ARHGEF38: variants seen among roughly 807,000 people sequenced by gnomAD.
The protein encoded by ARHGEF38 is Rho guanine nucleotide exchange factor (GEF) 38.
In ARHGEF38, 79 loss-of-function variants were observed where a neutral mutation model predicts 79.9. The ratio of observed to expected loss-of-function variants is 0.99; its 90% CI spans 0.82 to 1.19. ARHGEF38 has a LOEUF of 1.19. Ranked by LOEUF, ARHGEF38 falls within the 50% of genes most tolerant of loss-of-function variation. The probability of loss-of-function intolerance (pLI) is 0.00; values close to 1 mark genes in which losing one functional copy is unlikely to be tolerated. For missense variants in ARHGEF38, 962 were observed against 907.2 expected (o/e 1.06, Z -0.78); for synonymous variants, 366 against 328.3 (o/e 1.11, Z -1.24).
intron 1 of ARHGEF38, among the ~76,000 whole-genome samples, chr4:105,569,182 C>A (rs187393608): frequency 1.3e-5 from 2 of 152,306 alleles, no homozygotes; most frequent in Non-Finnish European, 2.9e-5. Context: ...GAAGCACATT[C>A]TCAGTGACTG....
intron 1 of ARHGEF38, among the ~76,000 whole-genome samples, chr4:105,553,322 T>G (rs1429127060): frequency 6.6e-6 from 1 of 152,138 alleles, no homozygotes; most frequent in Non-Finnish European, 1.5e-5. Context: ...TACAAAAGAT[T>G]GTTTATCTCA....
downstream of ARHGEF38, among the ~76,000 whole-genome samples, chr4:105,681,685 G>A (rs1282432811): frequency 1.3e-5 from 2 of 152,020 alleles, no homozygotes; most frequent in East Asian, 1.9e-4. Flanking sequence ...TGCAATGCTC[G>A]GCTTATAGAG....
intron 1 of ARHGEF38, among the ~76,000 whole-genome samples, chr4:105,579,235 C>A (rs749017246): frequency 6.6e-6 from 1 of 152,074 alleles, no homozygotes; most frequent in African/African-American, 2.4e-5. Flanking sequence ...TTTCTGTTGC[C>A]TGATTGTTCT....
Position 105,559,186 on chromosome 4 carries a change from G to A in ARHGEF38, c.196+6225G>A, listed in dbSNP as rs529002543. On this transcript the variant is annotated intron_variant, in intron 1 of 13. Coordinates refer to ENST00000420470, the MANE Select transcript of ARHGEF38 (RefSeq NM_001242729.2). ...AGTTGCTAAATTTATAAGCAGTATC[G>A]TTCTTAGAACCAGTCAAGACTCAAA... Among the ~76,000 whole-genome samples the A allele has an allele frequency of 7.2e-5, 11 of 152,144 alleles. No homozygotes were observed. In the South Asian group the frequency reaches 8.3e-4, roughly 11 times the overall value.
intron 11 of ARHGEF38, 132 bp from the exon 12 acceptor site, chr4:105,666,997 C>A: frequency 5.1e-6 from 4 of 787,762 alleles, no homozygotes; most frequent in South Asian, 1.9e-5. Flanking sequence ...TCTATGCCTG[C>A]ACCTTGAAAT....
At chr4:105,580,027 C>T (rs1019090883) in intron 1 of ARHGEF38, among the ~76,000 whole-genome samples, 14 of 152,036 alleles carry the variant, frequency 9.2e-5, no homozygotes, top group African/African-American at 3.4e-4. Context: ...ATTGTGTGTT[C>T]AGAATAGTCT....
In ARHGEF38 at chr4:105,561,493, TA is replaced by T. The variant is rs1725604757; in HGVS notation, c.196+8533del. On this transcript the variant is annotated intron_variant, in intron 1 of 13. Coordinates refer to ENST00000420470, the MANE Select transcript of ARHGEF38 (RefSeq NM_001242729.2). ...TAGAATAGAATAGAATAGAATAGAA[TA>T]GAATAGAATAGAATAGAATAGAATA... 27 of 140,870 alleles carry T rather than the reference TA, an allele frequency of 1.9e-4. 3 individuals are homozygous for T. In the Middle Eastern group the frequency reaches 0.022, roughly 115 times the overall value. 8.7% of individuals were successfully genotyped at this position (140,870 alleles called of 1,614,324 possible). A position where few individuals can be genotyped will look rare whatever the true frequency, so the allele number is the denominator to read the frequency against.
chr4:105,609,305 A>G (rs781045993), intron 2 of ARHGEF38, among the ~76,000 whole-genome samples: 37 of 152,106 alleles, frequency 2.4e-4, no homozygotes, highest in Non-Finnish European at 4.4e-4. Context: ...ATCAACTGTA[A>G]AAGTGTGGAT....
At chr4:105,628,487 C>T (rs1464629035) in intron 3 of ARHGEF38, among the ~76,000 whole-genome samples, 1 of 152,182 alleles carries the variant, frequency 6.6e-6, no homozygotes, top group Non-Finnish European at 1.5e-5. Context: ...TGTTTTCTTT[C>T]CTCTACTTGA....
chr4:105,672,126 G>A lies in ARHGEF38; in HGVS notation c.2148+4423G>A, dbSNP rs144225479. ...AGAGCTGAATTTTTAACCTGGACGCGAAGACCTGAAGTGGTCTATGAATGA... is the reference window on the plus strand; with the variant it reads ...AGAGCTGAATTTTTAACCTGGACGCAAAGACCTGAAGTGGTCTATGAATGA... On this transcript the variant is annotated intron_variant, in intron 13 of 13. Transcript: ENST00000420470. Among the ~76,000 whole-genome samples, 974 of 152,218 alleles carry A rather than the reference G, an allele frequency of 6.4e-3. 12 individuals are homozygous for A. The highest frequency in any genetic ancestry group is 0.022 in the African/African-American group (926 of 41,540).
At chr4:105,648,262 G>C (rs537813534) in intron 6 of ARHGEF38, among the ~76,000 whole-genome samples, 1 of 152,062 alleles carries the variant, frequency 6.6e-6, no homozygotes, top group Admixed American at 6.5e-5. Flanking sequence ...TATCTGAGAC[G>C]AGAGGGAGAA....
intron 2 of ARHGEF38, among the ~76,000 whole-genome samples, chr4:105,610,666 C>T (rs1056835705): frequency 2.6e-5 from 4 of 151,972 alleles, no homozygotes; most frequent in African/African-American, 9.7e-5. Context: ...CACAGAATCC[C>T]CATGGGCTCA....
rs1163338378 is a variant in ARHGEF38 at position 105,561,449 on chromosome 4, G to GGAATA, written c.196+8577_196+8581dup. 92 of 45,520 alleles carry GGAATA rather than the reference G, an allele frequency of 2.0e-3. 2 individuals are homozygous for GGAATA. Among genetic ancestry groups the GGAATA allele is most frequent in the South Asian group, 4.6e-3 (5 of 1,076 alleles). 2.8% of individuals were successfully genotyped at this position (45,520 alleles called of 1,614,324 possible). A position where few individuals can be genotyped will look rare whatever the true frequency, so the allele number is the denominator to read the frequency against. Reference sequence around the variant, plus strand: ...GGAATAGAATAGAATAGAATAGAATGGAATAGAATAGAATAGAATAGAATA... The same window carrying GGAATA: ...GGAATAGAATAGAATAGAATAGAATGGAATAGAATAGAATAGAATAGAATAGAATA... On this transcript the variant is annotated intron_variant, in intron 1 of 13. Transcript: ENST00000420470.
intron 2 of ARHGEF38, among the ~76,000 whole-genome samples, chr4:105,602,482 T>C (rs1727866717): frequency 1.3e-5 from 2 of 152,142 alleles, no homozygotes; most frequent in East Asian, 3.9e-4. Flanking sequence ...GTAGAAGCTT[T>C]TTCAGAGGCA....
intron 2 of ARHGEF38, among the ~76,000 whole-genome samples, chr4:105,594,897 A>C (rs1175443281): frequency 6.6e-6 from 1 of 152,212 alleles, no homozygotes; most frequent in East Asian, 1.9e-4. Flanking sequence ...TGAAACATTT[A>C]GTGGGAAAAC....
At chr4:105,629,975 A>C (rs1729113425) in intron 3 of ARHGEF38, among the ~76,000 whole-genome samples, 1 of 152,214 alleles carries the variant, frequency 6.6e-6, no homozygotes, top group South Asian at 2.1e-4. Context: ...TTAGTGGAGT[A>C]AATATTGAAA....
chr4:105,660,543 G>A (rs1018167077), intron 10 of ARHGEF38, among the ~76,000 whole-genome samples: 1 of 151,634 alleles, frequency 6.6e-6, no homozygotes, highest in African/African-American at 2.4e-5. Flanking sequence ...GGGTTCAAGC[G>A]ATTTTCCTGC....
intron 1 of ARHGEF38, among the ~76,000 whole-genome samples, chr4:105,585,332 A>G (rs1019367208): frequency 1.3e-5 from 2 of 152,164 alleles, no homozygotes; most frequent in African/African-American, 4.8e-5. Context: ...GAGGATAACT[A>G]TTAGTTATTA....
At chr4:105,646,318 A>C (rs1578343252) in intron 6 of ARHGEF38, among the ~76,000 whole-genome samples, 1 of 152,222 alleles carries the variant, frequency 6.6e-6, no homozygotes, top group Non-Finnish European at 1.5e-5. Flanking sequence ...CAGACTATAT[A>C]ATCACTGACA....
Sources: gnomAD v4.1 joint callset for allele counts (sites outside exome capture counted in the v4.1 genomes callset) on GRCh38, gnomAD v4.1.1 for gene constraint, MANE v1.5 for transcripts, NCBI Gene and HGNC (gene_info 2026-07-23, HGNC 2026-07-21) for gene names.